CSNK2A1: variants seen among roughly 807,000 people sequenced by gnomAD.
The protein encoded by CSNK2A1 is casein kinase 2 alpha 1, also known as casein kinase II subunit alpha.
In CSNK2A1, 10 loss-of-function variants were observed where a neutral mutation model predicts 62.9. The ratio of observed to expected loss-of-function variants is 0.16; its 90% CI spans 0.10 to 0.27. CSNK2A1 has a LOEUF of 0.27. Ranked by LOEUF, CSNK2A1 falls within the 10% of genes least tolerant of loss-of-function variation. The probability of loss-of-function intolerance (pLI) is 1.00; values close to 1 mark genes in which losing one functional copy is unlikely to be tolerated. For synonymous variants in CSNK2A1, 124 were observed against 167.8 expected (o/e 0.74, Z 2.02); for missense variants, 160 against 492.0 (o/e 0.33, Z 6.38).
At chr20:531,373 T>C (rs2019209201) in intron 1 of CSNK2A1, among the ~76,000 whole-genome samples, 1 of 152,112 alleles carries the variant, frequency 6.6e-6, no homozygotes, top group Admixed American at 6.6e-5. Context: ...AACTCTTCAT[T>C]TACCTTATTG....
chr20:478,595 G>C lies in CSNK2A1; in HGVS notation c.*5366C>G. 1 of 397,950 alleles carries C rather than the reference G, an allele frequency of 2.5e-6. No individual in the cohort carries two copies. The highest frequency in any genetic ancestry group is 4.9e-6 in the Non-Finnish European group (1 of 204,222). The allele number at this position is 397,950 out of a possible 1,614,324, so 24.7% of individuals were successfully genotyped here. The stretch of plus-strand genomic sequence containing the variant: ...TGACCATCCTGTAAGCTTCCATCTG[G>C]AGGTACCTGGGGAAGGGCTTCTCAC... On this transcript the variant is annotated 3_prime_UTR_variant, in exon 14 of 14. Coordinates refer to ENST00000217244, the MANE Select transcript of CSNK2A1 (RefSeq NM_177559.3).
At chr20:487,386 T>C (rs1320453844) in intron 12 of CSNK2A1, 41 bp downstream of exon 12, 3 of 1,612,326 alleles carry the variant, frequency 1.9e-6, no homozygotes, top group East Asian at 2.2e-5. Context: ...TATAGGACTC[T>C]GCGCCTGCAC....
chr20:501,465 C>G (rs1483063172), intron 4 of CSNK2A1: 1 of 152,130 alleles, frequency 6.6e-6, no homozygotes, highest in East Asian at 1.9e-4. Flanking sequence ...GTAGCCACAT[C>G]AAGAAAATTT....
At chr20:520,843 TTAATC>T (rs1178601281) in intron 2 of CSNK2A1, among the ~76,000 whole-genome samples, 6 of 152,190 alleles carry the variant, frequency 3.9e-5, no homozygotes, top group Admixed American at 2.6e-4. Context: ...ATCATAAACT[TTAATC>T]TAAATCTCAC....
intron 2 of CSNK2A1, among the ~76,000 whole-genome samples, chr20:524,584 G>T (rs2019030370): frequency 6.7e-6 from 1 of 150,180 alleles, no homozygotes; most frequent in Admixed American, 6.6e-5. Flanking sequence ...ACAAAAATTA[G>T]CTGGGTGTGG....
In CSNK2A1 at chr20:487,424, C is replaced by T. The variant is rs1600370265; in HGVS notation, c.973+3G>A. On this transcript the variant is annotated splice_donor_region_variant and intron_variant, in intron 12 of 13. Coordinates refer to ENST00000217244, the MANE Select transcript of CSNK2A1 (RefSeq NM_177559.3). ...ACTCTGTGGGCTAGATATCTGGACT[C>T]ACAGAAATAGGGGTGCTCCATTGCC... The T allele has an allele frequency of 6.2e-7, 1 of 1,613,632 alleles. No homozygotes were observed. The highest frequency in any genetic ancestry group is 8.5e-7 in the Non-Finnish European group (1 of 1,180,030).
intron 1 of CSNK2A1, among the ~76,000 whole-genome samples, chr20:535,393 A>AT (rs1353194260): frequency 6.6e-6 from 1 of 152,218 alleles, no homozygotes; most frequent in Non-Finnish European, 1.5e-5. Flanking sequence ...GTCTATTTTC[A>AT]TTTTTTCACA....
In CSNK2A1 at chr20:483,436, C is replaced by T. The variant is rs2017995680; in HGVS notation, c.*525G>A. 2 of 152,516 alleles carry T rather than the reference C, an allele frequency of 1.3e-5. No individual in the cohort carries two copies. Among genetic ancestry groups the T allele is most frequent in the African/African-American group, 4.8e-5 (2 of 41,444 alleles). 9.4% of individuals were successfully genotyped at this position (152,516 alleles called of 1,614,324 possible). On this transcript the variant is annotated 3_prime_UTR_variant, in exon 14 of 14. Coordinates refer to ENST00000217244, the MANE Select transcript of CSNK2A1 (RefSeq NM_177559.3). ...GGAGTAAAGTGATGTAAGCGACCAGCAAGCAGTCCACTGCTCCTATAGATT... is the reference window on the plus strand; with the variant it reads ...GGAGTAAAGTGATGTAAGCGACCAGTAAGCAGTCCACTGCTCCTATAGATT...
rs547425034 is a variant in CSNK2A1 at position 499,337 on chromosome 20, A to G, written c.316-32T>C. 2.9e-5 allele frequency: 47 copies of G among 1,600,996 alleles called. No individual in the cohort carries two copies. The South Asian group carries it at 4.9e-4, about 17-fold the overall frequency. On this transcript the variant is annotated intron_variant, in intron 5 of 13. Transcript: ENST00000217244. The surrounding 1 kb of genome is among the most constrained non-coding windows in gnomAD (Gnocchi z 4.2). ...GAAAAGAACAAAAACAAAAACACAC[A>G]TTAGCAATAGCCCTGACAGCTTTAA...
Position 483,857 on chromosome 20 carries a change from G to A in CSNK2A1, c.*104C>T, listed in dbSNP as rs547346030. ...AATCCACAAGCAACGGTTCAGACAC[G>A]GTGCTTCTGAAGTGTTTCACCCCTC... is the stretch of plus-strand genomic sequence containing the variant. On this transcript the variant is annotated 3_prime_UTR_variant, in exon 14 of 14. Transcript: ENST00000217244. 12 of 1,011,014 alleles carry A rather than the reference G, an allele frequency of 1.2e-5. No homozygotes were observed. Among genetic ancestry groups the A allele is most frequent in the East Asian group, 6.3e-5 (2 of 31,712 alleles). The allele number at this position is 1,011,014 out of a possible 1,614,324, so 62.6% of individuals were successfully genotyped here. A position where few individuals can be genotyped will look rare whatever the true frequency, so the allele number is the denominator to read the frequency against.
At chr20:487,758 A>C in intron 11 of CSNK2A1, 183 bp from the exon 12 acceptor site, 2 of 708,214 alleles carry the variant, frequency 2.8e-6, no homozygotes, top group South Asian at 3.8e-5. Context: ...GGAGACTGGA[A>C]ACAACATAGC....
intron 4 of CSNK2A1, chr20:503,461 G>C: frequency 2.5e-6 from 1 of 398,614 alleles, no homozygotes; most frequent in Non-Finnish European, 4.4e-6. Context: ...CAAAGGGCAT[G>C]TGAAGCACCC....
At chr20:505,827 T>C (rs1407139220) in intron 3 of CSNK2A1, 1 of 151,514 alleles carries the variant, frequency 6.6e-6, no homozygotes, top group East Asian at 1.9e-4. Context: ...TTGTTCTAAA[T>C]ACGTTTGTCT....
At chr20:490,353 G>T (rs6116249) in intron 9 of CSNK2A1, among the ~76,000 whole-genome samples, 111 of 53,282 alleles carry the variant, frequency 2.1e-3, no homozygotes, top group Middle Eastern at 8.5e-3. Context: ...TTTTTTTTTA[G>T]TTTTTTTTTT....
At chr20:541,375 T>G (rs2019446040) in intron 1 of CSNK2A1, among the ~76,000 whole-genome samples, 1 of 152,196 alleles carries the variant, frequency 6.6e-6, no homozygotes, top group Non-Finnish European at 1.5e-5. Flanking sequence ...TTCTGCCTAC[T>G]ACAAATCCAA....
intron 6 of CSNK2A1, 124 bp from the exon 7 acceptor site, chr20:497,904 C>T (rs2018378413): frequency 2.6e-6 from 2 of 761,826 alleles, no homozygotes; most frequent in Non-Finnish European, 4.4e-6. Context: ...TGTCCATTCA[C>T]TGCCCTCTAT....
rs11399599 is a variant in CSNK2A1 at position 475,681 on chromosome 20, T to TA, written c.*8279dup. On this transcript the variant is annotated 3_prime_UTR_variant, in exon 14 of 14. Transcript: ENST00000217244. The stretch of plus-strand genomic sequence containing the variant: ...TCCCAACACAGGCTCTATGCTTCCC[T>TA]ACTGCACTGATGTTGGGCTTGGCTA... 0.32 allele frequency: 48,402 copies of TA among 152,094 alleles called. 8,419 individuals carry two copies. Among genetic ancestry groups the TA allele is most frequent in the East Asian group, 0.68 (3,492 of 5,158 alleles). The allele number at this position is 152,094 out of a possible 1,614,324, so 9.4% of individuals were successfully genotyped here.
In CSNK2A1 at chr20:482,025, A is replaced by G. The variant is rs2017965216; in HGVS notation, c.*1936T>C. ...CTCCCTACCGTTGAGAAGCGCTATAAAAGGAGGCTTTAGCGTCCTCTAAAG... is the reference window on the plus strand; with the variant it reads ...CTCCCTACCGTTGAGAAGCGCTATAGAAGGAGGCTTTAGCGTCCTCTAAAG... On this transcript the variant is annotated 3_prime_UTR_variant, in exon 14 of 14. Transcript: ENST00000217244. 2.0e-5 allele frequency: 3 copies of G among 152,164 alleles called. No individual in the cohort carries two copies. Among genetic ancestry groups the G allele is most frequent in the African/African-American group, 7.2e-5 (3 of 41,440 alleles). 9.4% of individuals were successfully genotyped at this position (152,164 alleles called of 1,614,324 possible).
intron 2 of CSNK2A1, among the ~76,000 whole-genome samples, chr20:524,294 G>A (rs879000790): frequency 2.3e-4 from 35 of 151,468 alleles, no homozygotes; most frequent in Non-Finnish European, 4.0e-4. Flanking sequence ...GTGGTGGTGC[G>A]TGCCTGTAGT....
Sources: allele counts gnomAD v4.1 joint callset (sites outside exome capture counted in the v4.1 genomes callset), GRCh38; gene constraint gnomAD v4.1.1; non-coding constraint Gnocchi (gnomAD v3.1); transcripts MANE v1.5; gene names NCBI Gene and HGNC (gene_info 2026-07-23, HGNC 2026-07-21).